TNRC6A: variants seen among roughly 807,000 people sequenced by gnomAD.
TNRC6A encodes the protein trinucleotide repeat-containing gene 6A protein.
TNRC6A carries 44 observed loss-of-function variants against 221.2 expected under a neutral mutation model. That is an observed-to-expected ratio of 0.20 (90% CI 0.16 to 0.26). TNRC6A has a LOEUF of 0.26. TNRC6A is among the 10% of genes least tolerant of loss of function. The probability of loss-of-function intolerance (pLI) is 1.00; values close to 1 mark genes in which losing one functional copy is unlikely to be tolerated. For synonymous variants in TNRC6A, 847 were observed against 838.5 expected (o/e 1.01, Z -0.18); for missense variants, 2,199 against 2,404.4 (o/e 0.91, Z 1.79).
At chr16:24,821,810 T>TGCA in intron 22 of TNRC6A, 1 of 497,610 alleles carries the variant, frequency 2.0e-6, no homozygotes, top group Non-Finnish European at 3.6e-6. Context: ...CTCAAAAAGA[T>TGCA]GCAGCCTTTT....
chr16:24,795,833 T>C, intron 8 of TNRC6A, 74 bp from the exon 9 acceptor site: 2 of 1,419,916 alleles, frequency 1.4e-6, no homozygotes, highest in Non-Finnish European at 1.9e-6. Flanking sequence ...GACTTAAGTT[T>C]AGGTCTTCCA....
intron 18 of TNRC6A, 51 bp downstream of exon 18, chr16:24,809,532 A>G: frequency 2.1e-6 from 3 of 1,438,238 alleles, no homozygotes; most frequent in Non-Finnish European, 2.8e-6. Context: ...ACACACCTGC[A>G]GAATACTAGA....
intron 2 of TNRC6A, among the ~76,000 whole-genome samples, chr16:24,696,844 A>G (rs1361451917): frequency 6.6e-6 from 1 of 151,884 alleles, no homozygotes; most frequent in Non-Finnish European, 1.5e-5. Flanking sequence ...CACACTCAGA[A>G]CTAGCTCTTC....
At chr16:24,813,665 T>C (rs1479039615) in intron 18 of TNRC6A, among the ~76,000 whole-genome samples, 1 of 152,206 alleles carries the variant, frequency 6.6e-6, no homozygotes, top group Non-Finnish European at 1.5e-5. Context: ...TCTCATCAGA[T>C]ACCCTACCTC....
intron 2 of TNRC6A, among the ~76,000 whole-genome samples, chr16:24,712,445 A>T (rs1236565882): frequency 6.6e-6 from 1 of 152,096 alleles, no homozygotes; most frequent in Non-Finnish European, 1.5e-5. Flanking sequence ...CTCTCGTTCT[A>T]GTTTTTTGTG....
chr16:24,648,492 G>A (rs802765), intron 2 of TNRC6A, among the ~76,000 whole-genome samples: 132,524 of 151,692 alleles, frequency 0.87, 58,192 homozygotes, highest in African/African-American at 0.91. Context: ...GGATGGTCTC[G>A]ATCTCCTGAC....
intron 2 of TNRC6A, among the ~76,000 whole-genome samples, chr16:24,742,459 T>G (rs537799222): frequency 1.3e-4 from 20 of 152,122 alleles, no homozygotes; most frequent in African/African-American, 4.6e-4. Flanking sequence ...ATTAAAAGAG[T>G]GCATTTTTGG....
chr16:24,777,508 G>T, intron 5 of TNRC6A, 150 bp downstream of exon 5: 1 of 698,722 alleles, frequency 1.4e-6, no homozygotes, highest in South Asian at 2.0e-5. Context: ...TATGAATGGG[G>T]AATCTTAGAA....
intron 3 of TNRC6A, among the ~76,000 whole-genome samples, chr16:24,757,401 G>A (rs1455522944): frequency 1.3e-5 from 2 of 152,176 alleles, no homozygotes; most frequent in Admixed American, 6.5e-5. Flanking sequence ...ATGCCCCATG[G>A]CAGCTAAGAA....
chr16:24,635,071 TC>T (rs557516535), intron 1 of TNRC6A, among the ~76,000 whole-genome samples: 1 of 151,494 alleles, frequency 6.6e-6, no homozygotes, highest in African/African-American at 2.4e-5. Context: ...CACCTTTCTT[TC>T]TTTTTCTTTC....
At chr16:24,708,407 A>AT (rs2056140570) in intron 2 of TNRC6A, among the ~76,000 whole-genome samples, 1 of 151,604 alleles carries the variant, frequency 6.6e-6, no homozygotes, top group Non-Finnish European at 1.5e-5. Flanking sequence ...CGCCCGGCTA[A>AT]TTTTTTTGTA....
chr16:24,772,808 A>G (rs1039999977), intron 4 of TNRC6A, among the ~76,000 whole-genome samples: 3 of 152,174 alleles, frequency 2.0e-5, no homozygotes, highest in Non-Finnish European at 2.9e-5. Context: ...AAAAAGAAAA[A>G]GTATGGTAGT....
At chr16:24,667,085 C>T (rs1365210260) in intron 2 of TNRC6A, among the ~76,000 whole-genome samples, 1 of 152,232 alleles carries the variant, frequency 6.6e-6, no homozygotes, top group African/African-American at 2.4e-5. Flanking sequence ...CACTGCACTC[C>T]AGCCTGGGTG....
At chr16:24,778,558 G>C in intron 5 of TNRC6A, 1 of 926,748 alleles carries the variant, frequency 1.1e-6, no homozygotes, top group Non-Finnish European at 1.3e-6. Context: ...TAATTTCCCA[G>C]CACCTTATTA....
chr16:24,692,748 CAT>C (rs1258005438), intron 2 of TNRC6A, among the ~76,000 whole-genome samples: 1 of 151,516 alleles, frequency 6.6e-6, no homozygotes, highest in Non-Finnish European at 1.5e-5. Flanking sequence ...ATATATTATA[CAT>C]ATATATATGG....
At chr16:24,734,902 A>T (rs1440455309) in intron 2 of TNRC6A, among the ~76,000 whole-genome samples, 1 of 152,234 alleles carries the variant, frequency 6.6e-6, no homozygotes, top group Non-Finnish European at 1.5e-5. Flanking sequence ...AAAAGTTGTT[A>T]AAAGTGCTAT....
Position 24,683,126 on chromosome 16 carries a change from GC to G in TNRC6A, n.402+42122del, listed in dbSNP as rs145099996. Reference sequence around the variant, plus strand: ...CACAAACTCTTATCAGATACTGGAAGCCCCCAAAACAGCTCTAGTGGCAGGA... The same window carrying G: ...CACAAACTCTTATCAGATACTGGAAGCCCCAAAACAGCTCTAGTGGCAGGA... On this transcript the variant is annotated intron_variant and non_coding_transcript_variant, in intron 2 of 2. Transcript: ENST00000566108. 9.3e-3 allele frequency among the ~76,000 whole-genome samples: 1,409 copies of G among 152,236 alleles called. 30 individuals carry two copies. The highest frequency in any genetic ancestry group is 0.075 in the East Asian group (387 of 5,180).
intron 2 of TNRC6A, among the ~76,000 whole-genome samples, chr16:24,683,822 G>A (rs2142075290): frequency 6.6e-6 from 1 of 152,260 alleles, no homozygotes; most frequent in Admixed American, 6.5e-5. Context: ...AGCCCTAGCA[G>A]GTATAAAGGT....
At chr16:24,672,102 G>C (rs1213146841) in intron 2 of TNRC6A, among the ~76,000 whole-genome samples, 1 of 152,008 alleles carries the variant, frequency 6.6e-6, no homozygotes, top group African/African-American at 2.4e-5. Flanking sequence ...GTGTAGGAAA[G>C]TGTTCTTTGT....
Sources: gnomAD v4.1 joint callset for allele counts (sites outside exome capture counted in the v4.1 genomes callset) on GRCh38, gnomAD v4.1.1 for gene constraint, MANE v1.5 for transcripts, NCBI Gene and HGNC (gene_info 2026-07-23, HGNC 2026-07-21) for gene names.